Variants in KCND3 observed in about 807,000 individuals in gnomAD.
KCND3 encodes A-type voltage-gated potassium channel KCND3.
KCND3 carries 9 observed loss-of-function variants against 51.1 expected under a neutral mutation model. The ratio of observed to expected loss-of-function variants is 0.18; its 90% CI spans 0.11 to 0.31. KCND3 has a LOEUF of 0.31. Among genes scored for constraint, KCND3 ranks in the 10% least tolerant of loss-of-function variants. KCND3 has a pLI of 1.00. For missense variants in KCND3, 526 were observed against 903.8 expected, an observed-to-expected ratio of 0.58 and a Z score of 5.36; for synonymous variants, 349 against 368.0, an observed-to-expected ratio of 0.95 and a Z score of 0.59.
chr1:111,927,621 TCTCTTTGCCTTCTCTTC>T (rs1671769732), intron 2 of KCND3, among the ~76,000 whole-genome samples: 1 of 152,196 alleles, frequency 6.6e-6, no homozygotes, highest in Admixed American at 6.5e-5. Flanking sequence ...CTCTCTTTCT[TCTCTTTGCCTTCTCTTC>T]CTCCCTCTTT....
At chr1:111,951,071 G>A (rs139821092) in intron 2 of KCND3, among the ~76,000 whole-genome samples, 7 of 149,640 alleles carry the variant, frequency 4.7e-5, no homozygotes, top group African/African-American at 7.4e-5. Context: ...TTGGGAGGCC[G>A]AGGCAGGAGA....
chr1:111,945,396 G>A (rs1672730995), intron 2 of KCND3, among the ~76,000 whole-genome samples: 1 of 152,184 alleles, frequency 6.6e-6, no homozygotes, highest in South Asian at 2.1e-4. Context: ...GCCCTTCTAT[G>A]GCTATCTCCC....
intron 2 of KCND3, among the ~76,000 whole-genome samples, chr1:111,838,126 TG>T (rs922629432): frequency 2.1e-4 from 32 of 152,196 alleles, no homozygotes; most frequent in Admixed American, 7.2e-4. Context: ...ATGTACTGTT[TG>T]GAAGGAAGTC....
At chr1:111,989,160 C>A (rs1035227396) in intron 1 of KCND3, 22 of 152,316 alleles carry the variant, frequency 1.4e-4, no homozygotes, top group African/African-American at 5.1e-4. Context: ...CTCTCCTTGT[C>A]CCCTCACCAA....
At chr1:111,812,749 G>A (rs1665912391) in intron 2 of KCND3, among the ~76,000 whole-genome samples, 1 of 152,194 alleles carries the variant, frequency 6.6e-6, no homozygotes, top group South Asian at 2.1e-4. Flanking sequence ...GAGTATCTGA[G>A]CTAAAGCCCT....
intron 2 of KCND3, among the ~76,000 whole-genome samples, chr1:111,816,623 G>T (rs963658324): frequency 3.9e-5 from 6 of 152,192 alleles, no homozygotes; most frequent in African/African-American, 1.4e-4. Context: ...CTTCTACTGT[G>T]TCTTCATTCC....
intron 2 of KCND3, among the ~76,000 whole-genome samples, chr1:111,817,957 T>C (rs987396375): frequency 6.6e-6 from 1 of 152,158 alleles, no homozygotes; most frequent in African/African-American, 2.4e-5. Context: ...TTGTTGTTAG[T>C]TCTTCAGCAT....
intron 2 of KCND3, among the ~76,000 whole-genome samples, chr1:111,874,178 A>G (rs1460252793): frequency 6.6e-6 from 1 of 152,190 alleles, no homozygotes; most frequent in Non-Finnish European, 1.5e-5. Context: ...GAAATATACA[A>G]TATCTATGTA....
At chr1:111,842,511 G>C (rs563725189) in intron 2 of KCND3, among the ~76,000 whole-genome samples, 2 of 152,306 alleles carry the variant, frequency 1.3e-5, no homozygotes, top group South Asian at 4.1e-4. Flanking sequence ...AGTGGGGGCT[G>C]GGAGGGCTGG....
chr1:111,789,563 A>G (rs1452445181), intron 2 of KCND3, among the ~76,000 whole-genome samples: 1 of 152,254 alleles, frequency 6.6e-6, no homozygotes, highest in Non-Finnish European at 1.5e-5. Flanking sequence ...CCAAGAGACT[A>G]GAGATGGAAA....
rs143767153 is a variant in KCND3 at position 111,864,206 on chromosome 1, C to T, written c.1107-77100G>A. ...AGAAGAAGGACACATATTCTTCTCT[C>T]AGTCCCACATGGCACTCACTGATAA... On this transcript the variant is annotated intron_variant, in intron 2 of 7. Coordinates refer to ENST00000302127, the MANE Select transcript of KCND3 (RefSeq NM_001378969.1). Among the ~76,000 whole-genome samples, 19 of 152,236 alleles carry T rather than the reference C, an allele frequency of 1.2e-4. No homozygotes were observed. In the East Asian group the frequency reaches 3.3e-3, roughly 26 times the overall value.
In KCND3 at chr1:111,982,842, G is replaced by A. The variant is rs968394544; in HGVS notation, c.-72-44C>T. 15 of 1,389,132 alleles carry A rather than the reference G, an allele frequency of 1.1e-5. No homozygotes were observed. In the East Asian group the frequency reaches 2.3e-4, roughly 21 times the overall value. The allele number at this position is 1,389,132 out of a possible 1,614,324, so 86.1% of individuals were successfully genotyped here. A position where few individuals can be genotyped will look rare whatever the true frequency, so the allele number is the denominator to read the frequency against. On this transcript the variant is annotated intron_variant, in intron 1 of 7. Transcript: ENST00000302127. The surrounding 1 kb of genome is among the most constrained non-coding windows in gnomAD (Gnocchi z 8.5). ...GAGAGAGAAGCGGTGAGTCCATATCGACTGGCAGGTAAGAAATGGGACACA... is the reference window on the plus strand; with the variant it reads ...GAGAGAGAAGCGGTGAGTCCATATCAACTGGCAGGTAAGAAATGGGACACA...
chr1:111,855,477 C>G (rs1397131959), intron 2 of KCND3, among the ~76,000 whole-genome samples: 1 of 152,196 alleles, frequency 6.6e-6, no homozygotes, highest in Non-Finnish European at 1.5e-5. Flanking sequence ...TGAGCTGAGT[C>G]TTTGTCTTAT....
At chr1:111,965,273 C>T (rs1460562656) in intron 2 of KCND3, among the ~76,000 whole-genome samples, 1 of 152,008 alleles carries the variant, frequency 6.6e-6, no homozygotes, top group Non-Finnish European at 1.5e-5. Flanking sequence ...AGAATGCTGC[C>T]TCTGGTGTGA....
intron 2 of KCND3, among the ~76,000 whole-genome samples, chr1:111,971,597 A>G (rs1024160057): frequency 1.3e-5 from 2 of 152,058 alleles, no homozygotes; most frequent in African/African-American, 2.4e-5. Flanking sequence ...GCTTCAGCTG[A>G]TGATTTTGGA....
At chr1:111,934,986 T>G (rs1437967044) in intron 2 of KCND3, among the ~76,000 whole-genome samples, 1 of 152,220 alleles carries the variant, frequency 6.6e-6, no homozygotes, top group Admixed American at 6.5e-5. Context: ...TTTATCTAGA[T>G]CAGTTGACTG....
chr1:111,815,978 G>T (rs1463135210), intron 2 of KCND3, among the ~76,000 whole-genome samples: 1 of 152,164 alleles, frequency 6.6e-6, no homozygotes, highest in African/African-American at 2.4e-5. Flanking sequence ...GAAATAAGGG[G>T]AAAAGGGAGG....
chr1:111,777,655 T>C (rs895450557), intron 6 of KCND3, among the ~76,000 whole-genome samples: 1 of 152,166 alleles, frequency 6.6e-6, no homozygotes, highest in African/African-American at 2.4e-5. Flanking sequence ...AGGTGGCAGA[T>C]AAGGAGTCAC....
At chr1:111,882,515 T>G (rs1053179530) in intron 2 of KCND3, among the ~76,000 whole-genome samples, 7 of 152,144 alleles carry the variant, frequency 4.6e-5, no homozygotes, top group Admixed American at 6.5e-5. Flanking sequence ...CTAGTCCTGC[T>G]TTGGGGGTGT....
Sources: gnomAD v4.1 joint callset for allele counts (sites outside exome capture counted in the v4.1 genomes callset) on GRCh38, gnomAD v4.1.1 for gene constraint, Gnocchi (gnomAD v3.1) non-coding constraint, MANE v1.5 for transcripts, NCBI Gene and HGNC (gene_info 2026-07-23, HGNC 2026-07-21) for gene names.